Variants in COL8A1 observed in about 807,000 individuals in gnomAD.
The protein encoded by COL8A1 is collagen type VIII alpha 1 chain.
COL8A1 carries 21 observed loss-of-function variants against 42.7 expected under a neutral mutation model. The observed-to-expected ratio is 0.49, with a 90% CI of 0.35 to 0.71. COL8A1 has a LOEUF of 0.71. COL8A1 is among the 30% of genes least tolerant of loss of function. The pLI, the probability that COL8A1 is intolerant of heterozygous loss-of-function variation, is 0.01. For synonymous variants in COL8A1, 367 were observed against 369.1 expected (o/e 0.99, Z 0.06); for missense variants, 788 against 962.4 (o/e 0.82, Z 2.40).
chr3:99,728,958 A>G (rs1197742806), intron 1 of COL8A1, among the ~76,000 whole-genome samples: 1 of 152,024 alleles, frequency 6.6e-6, no homozygotes, highest in Non-Finnish European at 1.5e-5. Flanking sequence ...AAGACCTCTG[A>G]CCATGTCCTG....
At chr3:99,665,751 G>A (rs180813850) in intron 1 of COL8A1, among the ~76,000 whole-genome samples, 164 of 142,262 alleles carry the variant, frequency 1.2e-3, no homozygotes, top group African/African-American at 4.1e-3. Flanking sequence ...GCACAATCTC[G>A]GCTCACTGCA....
chr3:99,688,030 C>A (rs562739010), intron 1 of COL8A1, among the ~76,000 whole-genome samples: 2 of 152,202 alleles, frequency 1.3e-5, no homozygotes, highest in South Asian at 4.1e-4. Context: ...TGCAAAATCC[C>A]AAAATGCCTC....
chr3:99,672,898 A>C (rs1189120618), intron 1 of COL8A1, among the ~76,000 whole-genome samples: 1 of 151,848 alleles, frequency 6.6e-6, no homozygotes, highest in Non-Finnish European at 1.5e-5. Flanking sequence ...GACAATTTTT[A>C]CCTTAGACTT....
intron 2 of COL8A1, among the ~76,000 whole-genome samples, chr3:99,749,318 C>G (rs1464350647): frequency 1.3e-5 from 2 of 152,042 alleles, no homozygotes; most frequent in Non-Finnish European, 2.9e-5. Flanking sequence ...GGGAACAGAA[C>G]CAAAGGTCTT....
At chr3:99,640,143 T>C (rs1937477855) in intron 1 of COL8A1, among the ~76,000 whole-genome samples, 1 of 152,212 alleles carries the variant, frequency 6.6e-6, no homozygotes, top group Admixed American at 6.5e-5. Context: ...TTCTGTCACG[T>C]TAAATTTTTC....
intron 1 of COL8A1, among the ~76,000 whole-genome samples, chr3:99,663,959 C>T (rs537025528): frequency 5.3e-4 from 80 of 152,342 alleles, no homozygotes; most frequent in African/African-American, 1.8e-3. Flanking sequence ...ACAATGGACA[C>T]TCCCTCACAA....
chr3:99,712,287 A>G (rs988539665), intron 1 of COL8A1, among the ~76,000 whole-genome samples: 1 of 152,278 alleles, frequency 6.6e-6, no homozygotes, highest in South Asian at 2.1e-4. Context: ...CTCTAAGAAG[A>G]TGGCATTTTT....
rs187118632 is a variant in COL8A1, at chr3:99,685,691, C to A, written c.-129+47027C>A. Among the ~76,000 whole-genome samples, 230 of 152,296 alleles carry A rather than the reference C, an allele frequency of 1.5e-3. 1 individual carries two copies. The highest frequency in any genetic ancestry group is 1.3e-3 in the Non-Finnish European group (89 of 68,006). On this transcript the variant is annotated intron_variant, in intron 1 of 3. Coordinates refer to ENST00000652472, the MANE Select transcript of COL8A1 (RefSeq NM_020351.4). ...TTGTTTTCAATCCATACATACAGAA[C>A]TTTCCTCTGGATACTAAAAGCCTAT... is the stretch of plus-strand genomic sequence containing the variant.
In COL8A1 at chr3:99,796,101, T is replaced by G; in HGVS notation, c.2200T>G (p.Ser734Ala). 6.5e-7 allele frequency: 1 copy of G among 1,540,410 alleles called. No homozygotes were observed. The highest frequency in any genetic ancestry group is 2.3e-5 in the East Asian group (1 of 43,902). Reference protein sequence around the residue: ...AGLYAGQYVHSSFSGYLLYPM With the variant: ...AGLYAGQYVHASFSGYLLYPM ...ACTGTATGCCGGGCAGTATGTCCAC[T>G]CCTCCTTTTCAGGATATTTATTGTA... The change falls in exon 4 of 4, where the codon TCC becomes GCC. Residue 734 changes from serine to alanine, a missense_variant. Physicochemically the swap from Ser to Ala is moderately conservative, Grantham distance 99. Coordinates refer to ENST00000652472, the MANE Select transcript of COL8A1 (RefSeq NM_020351.4).
rs1487122799 is a variant in COL8A1 at position 99,742,838 on chromosome 3, A to G, written c.-128-2059A>G. 2.0e-5 allele frequency among the ~76,000 whole-genome samples: 3 copies of G among 152,236 alleles called. No individual in the cohort carries two copies. The East Asian group carries it at 5.8e-4, about 29-fold the overall frequency. On this transcript the variant is annotated intron_variant, in intron 1 of 3. Coordinates refer to ENST00000652472, the MANE Select transcript of COL8A1 (RefSeq NM_020351.4). Reference sequence around the variant, plus strand: ...TGATCTTCAGCATTTGTATTATGCTATGTATCTTCCCCTTGTTTTATTTTC... The same window carrying G: ...TGATCTTCAGCATTTGTATTATGCTGTGTATCTTCCCCTTGTTTTATTTTC...
chr3:99,754,777 C>A (rs1231367693), intron 2 of COL8A1, among the ~76,000 whole-genome samples: 1 of 152,108 alleles, frequency 6.6e-6, no homozygotes, highest in Non-Finnish European at 1.5e-5. Flanking sequence ...AAAACCAGGT[C>A]CCTGATAATC....
intron 1 of COL8A1, among the ~76,000 whole-genome samples, chr3:99,707,863 G>A (rs1200212216): frequency 6.6e-6 from 1 of 152,098 alleles, no homozygotes; most frequent in Non-Finnish European, 1.5e-5. Flanking sequence ...TTTCATTCAA[G>A]TAATCCCACC....
intron 1 of COL8A1, among the ~76,000 whole-genome samples, chr3:99,725,215 A>T (rs907685801): frequency 6.6e-6 from 1 of 152,030 alleles, no homozygotes; most frequent in Non-Finnish European, 1.5e-5. Flanking sequence ...ATCATCCAAG[A>T]GTTGGATTCT....
rs531260274 is a variant in COL8A1, at chr3:99,790,764, G to A, written c.82G>A (p.Gly28Ser). 2 of 1,614,172 alleles carry A rather than the reference G, an allele frequency of 1.2e-6. No homozygotes were observed. The highest frequency in any genetic ancestry group is 1.7e-5 in the Admixed American group (1 of 60,004). The part of the protein sequence containing the change: ...SLSSIRLIQA[G>S]AYYGIKPLPP... ...GAGTTCCATCAGGCTCATTCAGGCTGGTGCCTACTATGGGATCAAGCCGCT... is the reference window on the plus strand; with the variant it reads ...GAGTTCCATCAGGCTCATTCAGGCTAGTGCCTACTATGGGATCAAGCCGCT... Residue 28 changes from glycine to serine, a missense_variant, in exon 3 of 4, where the codon GGT becomes AGT. Physicochemically the swap from Gly to Ser is moderately conservative, Grantham distance 56 (BLOSUM62 0). Transcript: ENST00000652472.
chr3:99,641,993 C>T (rs1024674340), intron 1 of COL8A1, among the ~76,000 whole-genome samples: 1 of 152,134 alleles, frequency 6.6e-6, no homozygotes, highest in African/African-American at 2.4e-5. Flanking sequence ...ATCCCTAAAG[C>T]ATCTGGGAAT....
intron 1 of COL8A1, among the ~76,000 whole-genome samples, chr3:99,652,876 C>A (rs142092355): frequency 6.6e-6 from 1 of 152,102 alleles, no homozygotes; most frequent in East Asian, 1.9e-4. Context: ...GTAATTTATG[C>A]AGACAAAATA....
intron 1 of COL8A1, among the ~76,000 whole-genome samples, chr3:99,692,467 G>A (rs963752527): frequency 6.6e-6 from 1 of 152,096 alleles, no homozygotes; most frequent in Non-Finnish European, 1.5e-5. Flanking sequence ...TTTCCATTTT[G>A]TTCCCACTCC....
At chr3:99,760,338 A>G (rs1941343431) in intron 2 of COL8A1, among the ~76,000 whole-genome samples, 1 of 152,094 alleles carries the variant, frequency 6.6e-6, no homozygotes, top group South Asian at 2.1e-4. Context: ...TGAAACTTGG[A>G]AGTACCAAAA....
chr3:99,795,783 C>G lies in COL8A1; in HGVS notation c.1882C>G (p.Pro628Ala). Residue 628 changes from proline (P) to alanine (A), a missense_variant, in exon 4 of 4, where the codon CCG becomes GCG. By Grantham distance (27) the Pro-to-Ala change is conservative. This residue lies in a region of COL8A1 where 212 missense variants were observed against 210.9 expected (regional missense o/e 1.00). Transcript: ENST00000652472. ...CGCCGAGCTAACCGCACCTTTCCCA[C>G]CGGTGGGGGCCCCAGTGAAGTTTAA... The part of the protein sequence containing the change: ...FTAELTAPFP[P>A]VGAPVKFNKL... 1.2e-6 allele frequency: 2 copies of G among 1,614,116 alleles called. No individual in the cohort carries two copies. Among genetic ancestry groups the G allele is most frequent in the South Asian group, 2.2e-5 (2 of 91,080 alleles).
Sources: gnomAD v4.1 joint callset for allele counts (sites outside exome capture counted in the v4.1 genomes callset) on GRCh38, gnomAD v4.1.1 for gene constraint, gnomAD v4.1.1 regional missense constraint, MANE v1.5 for transcripts, NCBI Gene and HGNC (gene_info 2026-07-23, HGNC 2026-07-21) for gene names.